PLAAT2: variants seen among roughly 807,000 people sequenced by gnomAD.
PLAAT2 encodes phospholipase A and acyltransferase 2, also known as HRAS like suppressor 2.
In PLAAT2, 12 loss-of-function variants were observed where a neutral mutation model predicts 12.8. The ratio of observed to expected loss-of-function variants is 0.94; its 90% CI spans 0.60 to 1.52. PLAAT2 has a LOEUF of 1.52. Among genes scored for constraint, PLAAT2 ranks in the 40% most tolerant of loss-of-function variants. PLAAT2 has a pLI of 0.00. For missense variants in PLAAT2, 166 were observed against 208.1 expected (o/e 0.80, Z 1.24); for synonymous variants, 79 against 86.8 (o/e 0.91, Z 0.50).
intron 1 of PLAAT2, among the ~76,000 whole-genome samples, chr11:63,562,841 C>T (rs897228737): frequency 6.6e-6 from 1 of 152,148 alleles, no homozygotes; most frequent in Non-Finnish European, 1.5e-5. Flanking sequence ...TGCCTGGAGG[C>T]GAGGGAGACA....
intron 3 of PLAAT2, among the ~76,000 whole-genome samples, chr11:63,557,474 C>T (rs1473641076): frequency 6.6e-6 from 1 of 152,016 alleles, no homozygotes; most frequent in Non-Finnish European, 1.5e-5. Flanking sequence ...CTGCAGTGAG[C>T]CATGATCGAA....
chr11:63,561,251 G>A (rs190409541), intron 1 of PLAAT2, among the ~76,000 whole-genome samples: 83 of 152,320 alleles, frequency 5.4e-4, no homozygotes, highest in Non-Finnish European at 9.4e-4. Flanking sequence ...GTTCTCACTC[G>A]TAAGTGGGAG....
At chr11:63,562,924 A>C (rs6591814) in intron 1 of PLAAT2, among the ~76,000 whole-genome samples, 85,194 of 152,100 alleles carry the variant, frequency 0.56, 25,889 homozygotes, top group East Asian at 0.97. Flanking sequence ...CTCCCCAGCT[A>C]ATCCCTCCCA....
At chr11:63,556,475 A>T (rs1291893591) in intron 3 of PLAAT2, among the ~76,000 whole-genome samples, 1 of 151,590 alleles carries the variant, frequency 6.6e-6, no homozygotes, top group Non-Finnish European at 1.5e-5. Flanking sequence ...GCCCACCCCC[A>T]ATCCCCTTCC....
In PLAAT2 at chr11:63,553,081, A is replaced by T. The variant is rs1191144276; in HGVS notation, c.388-16T>A. On this transcript the variant is annotated splice_polypyrimidine_tract_variant and intron_variant, in intron 3 of 3. Coordinates refer to ENST00000255695, the MANE Select transcript of PLAAT2 (RefSeq NM_017878.2). ...CACCAGTGACCTGCAGCAGAAGAGA[A>T]GGGAGAGCACACTCAGCATCAGGGC... 2.5e-6 allele frequency: 4 copies of T among 1,573,450 alleles called. No homozygotes were observed. In the African/African-American group the frequency reaches 5.4e-5, roughly 21 times the overall value.
chr11:63,553,119 C>T, intron 3 of PLAAT2, 54 bp from the exon 4 acceptor site: 1 of 1,095,310 alleles, frequency 9.1e-7, no homozygotes, highest in Non-Finnish European at 1.4e-6. Context: ...GACCACGATA[C>T]ATACACCAGG....
At chr11:63,555,197 C>T (rs2017455757) in intron 3 of PLAAT2, among the ~76,000 whole-genome samples, 2 of 152,174 alleles carry the variant, frequency 1.3e-5, no homozygotes, top group African/African-American at 4.8e-5. Flanking sequence ...GATTATATTT[C>T]AAAGGACTGG....
At chr11:63,558,073 C>T (rs894618446) in intron 3 of PLAAT2, among the ~76,000 whole-genome samples, 17 of 152,082 alleles carry the variant, frequency 1.1e-4, no homozygotes, top group South Asian at 2.1e-4. Context: ...TACTTAAGCA[C>T]GGTGAGCCTC....
chr11:63,554,012 C>T (rs74751258), intron 3 of PLAAT2, among the ~76,000 whole-genome samples: 1 of 152,238 alleles, frequency 6.6e-6, no homozygotes, highest in South Asian at 2.1e-4. Context: ...ACTGAAAAAA[C>T]CACAGAGATG....
chr11:63,555,961 C>T (rs1362563795), intron 3 of PLAAT2, among the ~76,000 whole-genome samples: 1 of 152,190 alleles, frequency 6.6e-6, no homozygotes, highest in Admixed American at 6.5e-5. Flanking sequence ...TTCGTTAGAA[C>T]AAATGGTAAA....
intron 3 of PLAAT2, among the ~76,000 whole-genome samples, chr11:63,554,627 CA>C (rs539451403): frequency 5.4e-5 from 5 of 93,284 alleles, no homozygotes; most frequent in African/African-American, 4.1e-5. Flanking sequence ...GACTATGTCT[CA>C]AAAAAAAAAG....
chr11:63,556,581 C>T (rs559254564), intron 3 of PLAAT2, among the ~76,000 whole-genome samples: 144 of 152,276 alleles, frequency 9.5e-4, no homozygotes, highest in African/African-American at 3.1e-3. Context: ...GAGCATGTCC[C>T]ACCGTGCCCC....
intron 2 of PLAAT2, 117 bp downstream of exon 2, chr11:63,559,968 C>T (rs1156650949): frequency 4.7e-6 from 3 of 643,696 alleles, no homozygotes; most frequent in South Asian, 2.2e-5. Flanking sequence ...ATTCATTCAG[C>T]ATTATGTATT....
intron 1 of PLAAT2, 111 bp downstream of exon 1, chr11:63,563,205 C>A: frequency 8.0e-7 from 1 of 1,252,686 alleles, no homozygotes; most frequent in Non-Finnish European, 1.2e-6. Context: ...TCAGCATGTG[C>A]CCATGTGCCC....
At chr11:63,557,257 T>A (rs975434033) in intron 3 of PLAAT2, among the ~76,000 whole-genome samples, 4 of 152,132 alleles carry the variant, frequency 2.6e-5, no homozygotes, top group Non-Finnish European at 5.9e-5. Flanking sequence ...TTGGACTGAG[T>A]GTGGTGGCTC....
intron 3 of PLAAT2, among the ~76,000 whole-genome samples, chr11:63,554,664 A>G (rs111491401): frequency 0.018 from 2,789 of 152,168 alleles, 52 homozygotes; most frequent in Non-Finnish European, 0.03. Flanking sequence ...ACTCACGCAA[A>G]GCCACACAGC....
At chr11:63,553,113 A>G (rs376967739) in intron 3 of PLAAT2, 48 bp from the exon 4 acceptor site, 11 of 1,153,468 alleles carry the variant, frequency 9.5e-6, no homozygotes, top group Non-Finnish European at 1.3e-5. Context: ...GGGCGGGACC[A>G]CGATACATAC....
chr11:63,560,122 G>A lies in PLAAT2; in HGVS notation c.81C>T (p.Tyr27=), dbSNP rs760653150. 4 of 1,613,436 alleles carry A rather than the reference G, an allele frequency of 2.5e-6. No homozygotes were observed. The highest frequency in any genetic ancestry group is 1.7e-5 in the Admixed American group (1 of 59,980). Residue 27 remains tyrosine, a synonymous_variant, in exon 2 of 4, where the codon TAC becomes TAT. Transcript: ENST00000255695. The stretch of plus-strand genomic sequence containing the variant: ...GATGGACCACATAGCCATCTCCCAC[G>A]TAGATGGCCCAGTGTGCATAGCCAA... ...SRFGYAHWAI[Y]VGDGYVVHLA... is the part of the protein sequence containing the mutation.
chr11:63,564,260 G>A (rs111848953), upstream of PLAAT2, among the ~76,000 whole-genome samples: 1 of 152,034 alleles, frequency 6.6e-6, no homozygotes, highest in African/African-American at 2.4e-5. Flanking sequence ...AGTACTGGGT[G>A]TGTAGAGGTT....
Sources: allele counts gnomAD v4.1 joint callset (sites outside exome capture counted in the v4.1 genomes callset), GRCh38; gene constraint gnomAD v4.1.1; transcripts MANE v1.5; gene names NCBI Gene and HGNC (gene_info 2026-07-23, HGNC 2026-07-21).